Variants in TMEM181 observed in about 807,000 individuals in gnomAD.
The protein encoded by TMEM181 is G protein-coupled receptor 178.
TMEM181 carries 39 observed loss-of-function variants against 71.9 expected under a neutral mutation model. That is an observed-to-expected ratio of 0.54 (90% CI 0.42 to 0.71). The LOEUF is 0.71. Ranked by LOEUF, TMEM181 falls within the 30% of genes least tolerant of loss-of-function variation. The pLI, the probability that TMEM181 is intolerant of heterozygous loss-of-function variation, is 0.00. For synonymous variants in TMEM181, 245 were observed against 228.8 expected (o/e 1.07, Z -0.64); for missense variants, 595 against 583.0 (o/e 1.02, Z -0.21).
At chr6:158,598,339 C>G (rs1221259578) in intron 6 of TMEM181, among the ~76,000 whole-genome samples, 1 of 152,168 alleles carries the variant, frequency 6.6e-6, no homozygotes, top group Non-Finnish European at 1.5e-5. Context: ...GCCAGCTGTT[C>G]ACATCTCATT....
intron 1 of TMEM181, among the ~76,000 whole-genome samples, chr6:158,552,813 T>A (rs997834300): frequency 7.1e-6 from 1 of 141,618 alleles, no homozygotes; most frequent in Non-Finnish European, 1.5e-5. Flanking sequence ...CCTCAAGAAG[T>A]GAAATTACCA....
chr6:158,607,416 G>T, intron 8 of TMEM181, 73 bp downstream of exon 8: 3 of 1,404,316 alleles, frequency 2.1e-6, no homozygotes, highest in Admixed American at 1.8e-5. Context: ...GCAGGGTTGT[G>T]CCTGTCATCC....
intron 3 of TMEM181, among the ~76,000 whole-genome samples, chr6:158,583,253 G>C (rs1783578806): frequency 6.6e-6 from 1 of 152,102 alleles, no homozygotes; most frequent in Non-Finnish European, 1.5e-5. Context: ...TAATTCTTGA[G>C]ATATATTATC....
At chr6:158,559,231 C>T (rs1003424897), upstream of TMEM181, among the ~76,000 whole-genome samples, 1 of 152,160 alleles carries the variant, frequency 6.6e-6, no homozygotes, top group African/African-American at 2.4e-5. Flanking sequence ...CTGTAGCACC[C>T]TGAGCTAAGG....
At chr6:158,543,628 C>T (rs547706739) in intron 1 of TMEM181, among the ~76,000 whole-genome samples, 2 of 152,330 alleles carry the variant, frequency 1.3e-5, no homozygotes, top group South Asian at 4.1e-4. Context: ...CTATCATCTC[C>T]CTGTGTCTTC....
At chr6:158,618,789 G>A (rs1405993294) in intron 10 of TMEM181, among the ~76,000 whole-genome samples, 3 of 152,192 alleles carry the variant, frequency 2.0e-5, no homozygotes, top group Admixed American at 6.5e-5. Flanking sequence ...GGGTTGAAAA[G>A]TGTTTTCTTT....
At chr6:158,537,675 A>T (rs1186001073) in intron 1 of TMEM181, among the ~76,000 whole-genome samples, 1 of 152,066 alleles carries the variant, frequency 6.6e-6, no homozygotes, top group African/African-American at 2.4e-5. Flanking sequence ...CCCCACCTCA[A>T]CCTTCCCCAT....
intron 10 of TMEM181, among the ~76,000 whole-genome samples, chr6:158,617,497 A>G (rs1785685648): frequency 6.6e-6 from 1 of 151,568 alleles, no homozygotes; most frequent in South Asian, 2.1e-4. Context: ...CTCTGATCTT[A>G]GTTATTTCTT....
chr6:158,552,112 G>C (rs533945126), intron 1 of TMEM181, among the ~76,000 whole-genome samples: 11 of 152,126 alleles, frequency 7.2e-5, no homozygotes, highest in Non-Finnish European at 1.3e-4. Flanking sequence ...AAAGGCATGC[G>C]AAATTTAAAA....
Position 158,629,769 on chromosome 6 carries a change from A to C in TMEM181, c.1232A>C (p.Tyr411Ser). The C allele has an allele frequency of 8.7e-6, 14 of 1,613,478 alleles. No homozygotes were observed. The highest frequency in any genetic ancestry group is 1.2e-5 in the Non-Finnish European group (14 of 1,179,770). ...FLSFYGLLNF[Y>S]LYTLAFVYSP... ...TCTTTCTATGGCCTGTTGAACTTCTATCTCTACACCTTGGCCTTTGTATAT... is the reference window on the plus strand; with the variant it reads ...TCTTTCTATGGCCTGTTGAACTTCTCTCTCTACACCTTGGCCTTTGTATAT... Residue 411 changes from tyrosine to serine, a missense_variant, in exon 15 of 17, where the codon TAT (tyrosine) becomes TCT (serine). Physicochemically the swap from Tyr to Ser is moderately radical, Grantham distance 144. Transcript: ENST00000684151.
chr6:158,565,180 G>T (rs1029571377), intron 1 of TMEM181, among the ~76,000 whole-genome samples: 1 of 152,244 alleles, frequency 6.6e-6, no homozygotes, highest in Non-Finnish European at 1.5e-5. Context: ...TGCTTACCCG[G>T]ATTGTATCTG....
intron 6 of TMEM181, among the ~76,000 whole-genome samples, chr6:158,598,953 A>T (rs1272829962): frequency 6.6e-6 from 1 of 152,008 alleles, no homozygotes; most frequent in Non-Finnish European, 1.5e-5. Context: ...GAGCCACCGC[A>T]CCCGGCCATT....
chr6:158,589,227 G>A (rs1783958596), intron 5 of TMEM181, among the ~76,000 whole-genome samples: 1 of 152,156 alleles, frequency 6.6e-6, no homozygotes, highest in South Asian at 2.1e-4. Context: ...CAGGTTAAAA[G>A]GAGAGAAAGA....
At chr6:158,544,111 C>T (rs142461615) in intron 1 of TMEM181, among the ~76,000 whole-genome samples, 102 of 151,904 alleles carry the variant, frequency 6.7e-4, no homozygotes, top group Non-Finnish European at 1.2e-3. Flanking sequence ...TCCGTCTCCC[C>T]GGCAGAGGTG....
rs1786845286 is a variant in TMEM181 at position 158,634,681 on chromosome 6, A to G, written c.*2793A>G. ...GGCTAGAGAAGGGGATATATATACT[A>G]TGTTCAAGGTTTGTAAGGTTGTTAA... is the stretch of plus-strand genomic sequence containing the variant. On this transcript the variant is annotated 3_prime_UTR_variant, in exon 17 of 17. Coordinates refer to ENST00000684151, the MANE Select transcript of TMEM181 (RefSeq NM_001376852.1). 1 of 152,192 alleles carries G rather than the reference A, an allele frequency of 6.6e-6. No individual in the cohort carries two copies. Among genetic ancestry groups the G allele is most frequent in the South Asian group, 2.1e-4 (1 of 4,836 alleles). The allele number at this position is 152,192 out of a possible 1,614,324, so 9.4% of individuals were successfully genotyped here. A position where few individuals can be genotyped will look rare whatever the true frequency, so the allele number is the denominator to read the frequency against.
At chr6:158,630,032 T>C (rs1389526080) in intron 15 of TMEM181, among the ~76,000 whole-genome samples, 1 of 152,248 alleles carries the variant, frequency 6.6e-6, no homozygotes, top group Non-Finnish European at 1.5e-5. Flanking sequence ...CCCACAGAGT[T>C]GACACACTCA....
At chr6:158,590,527 G>T (rs958505485) in intron 6 of TMEM181, among the ~76,000 whole-genome samples, 2 of 152,054 alleles carry the variant, frequency 1.3e-5, no homozygotes, top group Non-Finnish European at 2.9e-5. Flanking sequence ...GCAGTGGCAC[G>T]ATCTCGGCTC....
At chr6:158,538,143 G>GT (rs371698935) in intron 1 of TMEM181, among the ~76,000 whole-genome samples, 63,517 of 136,256 alleles carry the variant, frequency 0.47, 15,698 homozygotes, top group African/African-American at 0.63. Context: ...CCCCTACTCT[G>GT]TTTTTTTTTT....
At chr6:158,537,342 C>T (rs1242378561) in intron 1 of TMEM181, among the ~76,000 whole-genome samples, 1 of 152,052 alleles carries the variant, frequency 6.6e-6, no homozygotes, top group Non-Finnish European at 1.5e-5. Flanking sequence ...CTTTGCAGGA[C>T]GCCTCGGAGG....
Sources: allele counts gnomAD v4.1 joint callset (sites outside exome capture counted in the v4.1 genomes callset), GRCh38; gene constraint gnomAD v4.1.1; transcripts MANE v1.5; gene names NCBI Gene and HGNC (gene_info 2026-07-23, HGNC 2026-07-21).